Variants in KIF26B observed in about 807,000 individuals in gnomAD.
KIF26B encodes the protein kinesin family member 26B, also known as kinesin-like protein KIF26B.
In KIF26B, 63 loss-of-function variants were observed where a neutral mutation model predicts 151.2. The ratio of observed to expected loss-of-function variants is 0.42; its 90% CI spans 0.34 to 0.51. KIF26B has a LOEUF of 0.51. KIF26B is among the 20% of genes least tolerant of loss of function. KIF26B has a pLI of 0.07. For synonymous variants in KIF26B, 1,357 were observed against 1,262.1 expected (o/e 1.08, Z -1.59); for missense variants, 2,813 against 2,913.6 (o/e 0.97, Z 0.79).
chr1:245,261,611 G>T (rs894747855), intron 2 of KIF26B, among the ~76,000 whole-genome samples: 3 of 147,242 alleles, frequency 2.0e-5, no homozygotes, highest in East Asian at 4.1e-4. Flanking sequence ...TCAAGACAGG[G>T]TCTAGCTGTG....
rs1344907730 is a variant in KIF26B at position 245,572,421 on chromosome 1, G to A, written c.1351-30156G>A. Among the ~76,000 whole-genome samples the A allele has an allele frequency of 6.6e-6, 1 of 152,064 alleles. No individual in the cohort carries two copies. Among genetic ancestry groups the A allele is most frequent in the Non-Finnish European group, 1.5e-5 (1 of 68,020 alleles). ...AGTAGGGTGGCTGGTTTGAGGGTGTGGCCCCGGGAAAGGTGGCAGGACACA... is the reference window on the plus strand; with the variant it reads ...AGTAGGGTGGCTGGTTTGAGGGTGTAGCCCCGGGAAAGGTGGCAGGACACA... On this transcript the variant is annotated intron_variant, in intron 5 of 14. Coordinates refer to ENST00000407071, the MANE Select transcript of KIF26B (RefSeq NM_018012.4). The surrounding 1 kb of genome is among the most constrained non-coding windows in gnomAD (Gnocchi z 4.2).
chr1:245,564,830 G>A lies in KIF26B; in HGVS notation c.1350+23880G>A, dbSNP rs753025280. ...TTATCATTAGATTCTCTCAAGGAGC[G>A]TGCAACCTAGACCCCCACATGCACA... On this transcript the variant is annotated intron_variant, in intron 5 of 14. Transcript: ENST00000407071. The surrounding 1 kb of genome is among the most constrained non-coding windows in gnomAD (Gnocchi z 4.6). 6.6e-5 allele frequency among the ~76,000 whole-genome samples: 10 copies of A among 152,120 alleles called. No individual in the cohort carries two copies. Among genetic ancestry groups the A allele is most frequent in the East Asian group, 1.9e-4 (1 of 5,198 alleles).
intron 3 of KIF26B, among the ~76,000 whole-genome samples, chr1:245,414,623 T>C (rs894727016): frequency 6.6e-6 from 1 of 152,176 alleles, no homozygotes; most frequent in African/African-American, 2.4e-5. Flanking sequence ...AAAGGGAATA[T>C]GGAGTCTTCC....
chr1:245,699,277 C>T (rs1394041127), intron 14 of KIF26B, among the ~76,000 whole-genome samples: 1 of 152,176 alleles, frequency 6.6e-6, no homozygotes, highest in African/African-American at 2.4e-5. Context: ...CTACGTGTCT[C>T]AGTCCAAAGC....
Position 245,589,709 on chromosome 1 carries a change from G to A in KIF26B, c.1351-12868G>A, listed in dbSNP as rs116186322. 9.8e-3 allele frequency among the ~76,000 whole-genome samples: 1,493 copies of A among 152,218 alleles called. 19 individuals carry two copies. The highest frequency in any genetic ancestry group is 0.034 in the Middle Eastern group (10 of 294). On this transcript the variant is annotated intron_variant, in intron 5 of 14. Coordinates refer to ENST00000407071, the MANE Select transcript of KIF26B (RefSeq NM_018012.4). ...ATTACGGTGCTTTGCCAAACTCCAC[G>A]GTGGATCTGGTAGCTGGTATTTCTG...
chr1:245,380,352 T>C (rs1224268944), intron 3 of KIF26B, among the ~76,000 whole-genome samples: 1 of 152,208 alleles, frequency 6.6e-6, no homozygotes, highest in Non-Finnish European at 1.5e-5. Flanking sequence ...GCCATGTCTA[T>C]ATTCAAGGCT....
At chr1:245,427,207 G>A (rs1658668379) in intron 4 of KIF26B, among the ~76,000 whole-genome samples, 1 of 152,154 alleles carries the variant, frequency 6.6e-6, no homozygotes, top group South Asian at 2.1e-4. Flanking sequence ...CAACTCCTAG[G>A]CGTCAATTGA....
intron 2 of KIF26B, among the ~76,000 whole-genome samples, chr1:245,357,991 A>G (rs1672735812): frequency 6.6e-6 from 1 of 152,130 alleles, no homozygotes. Context: ...ATCATAGCTC[A>G]CTGCATCCTC....
intron 5 of KIF26B, among the ~76,000 whole-genome samples, chr1:245,558,819 A>G (rs1363831934): frequency 6.6e-6 from 1 of 152,246 alleles, no homozygotes; most frequent in Non-Finnish European, 1.5e-5. Context: ...CCTCAGACCC[A>G]GCATCTCGCC....
chr1:245,292,268 A>T lies in KIF26B; in HGVS notation c.466-74566A>T, dbSNP rs953319808. On this transcript the variant is annotated intron_variant, in intron 2 of 14. Coordinates refer to ENST00000407071, the MANE Select transcript of KIF26B (RefSeq NM_018012.4). ...CGAAACCCTCTGAGCTCTGTTCCAG[A>T]CTGTCCTCTCAGCCTTGAGTGCACA... Among the ~76,000 whole-genome samples, 10 of 152,154 alleles carry T rather than the reference A, an allele frequency of 6.6e-5. No individual in the cohort carries two copies. The South Asian group carries it at 1.2e-3, about 19-fold the overall frequency.
chr1:245,175,156 G>A (rs946350746), intron 2 of KIF26B, among the ~76,000 whole-genome samples: 4 of 152,186 alleles, frequency 2.6e-5, no homozygotes, highest in African/African-American at 9.7e-5. Context: ...AGATGGTACA[G>A]TAACTGCTTT....
chr1:245,443,874 C>T, intron 4 of KIF26B, among the ~76,000 whole-genome samples: 1 of 70,574 alleles, frequency 1.4e-5, no homozygotes, highest in Non-Finnish European at 2.9e-5. Context: ...CGGTCATCTC[C>T]CTCACTGTTC....
intron 2 of KIF26B, among the ~76,000 whole-genome samples, chr1:245,294,440 C>T (rs955058878): frequency 1.3e-5 from 2 of 152,164 alleles, no homozygotes; most frequent in Non-Finnish European, 2.9e-5. Flanking sequence ...TAATTCCTTT[C>T]CTTTTTCTGA....
At chr1:245,303,350 C>T (rs574982644) in intron 2 of KIF26B, among the ~76,000 whole-genome samples, 10 of 151,336 alleles carry the variant, frequency 6.6e-5, no homozygotes, top group Admixed American at 1.3e-4. Context: ...AGGTGCCCGC[C>T]ACCACGCCCG....
Position 245,602,620 on chromosome 1 carries a change from C to T in KIF26B, c.1394C>T (p.Thr465Ile). ...LRICSTLARD[T>I]SESSSFLKVD... ...ATCTGTTCCACCTTGGCTCGAGATACTTCAGAATCCAGCTCTTTCTTAAAG... is the reference window on the plus strand; with the variant it reads ...ATCTGTTCCACCTTGGCTCGAGATATTTCAGAATCCAGCTCTTTCTTAAAG... Residue 465 changes from threonine (T) to isoleucine (I), a missense_variant, in exon 6 of 15, where the codon ACT becomes ATT. Physicochemically the swap from Thr to Ile is moderately conservative, Grantham distance 89. Coordinates refer to ENST00000407071, the MANE Select transcript of KIF26B (RefSeq NM_018012.4). This position sits in a 1 kb window ranked among gnomAD's most constrained non-coding sequence, Gnocchi z 4.5. 1.9e-6 allele frequency: 3 copies of T among 1,613,948 alleles called. No individual in the cohort carries two copies. Among genetic ancestry groups the T allele is most frequent in the Non-Finnish European group, 2.5e-6 (3 of 1,179,840 alleles).
At chr1:245,513,208 A>C (rs1416558013) in intron 4 of KIF26B, among the ~76,000 whole-genome samples, 7 of 133,008 alleles carry the variant, frequency 5.3e-5, no homozygotes, top group African/African-American at 1.8e-4. Context: ...TCCAACCTGC[A>C]CCCCCCCCCA....
At chr1:245,443,989 C>T (rs866879307) in intron 4 of KIF26B, among the ~76,000 whole-genome samples, 3 of 113,348 alleles carry the variant, frequency 2.6e-5, no homozygotes, top group African/African-American at 3.9e-5. Flanking sequence ...TCATCTCCCT[C>T]ACTGTTCACC....
chr1:245,277,048 G>T (rs1670950513), intron 2 of KIF26B, among the ~76,000 whole-genome samples: 1 of 152,164 alleles, frequency 6.6e-6, no homozygotes, highest in Non-Finnish European at 1.5e-5. Flanking sequence ...GGAATACTAT[G>T]TTTATAGGCC....
At chr1:245,243,238 C>T (rs1251573070) in intron 2 of KIF26B, among the ~76,000 whole-genome samples, 1 of 152,130 alleles carries the variant, frequency 6.6e-6, no homozygotes, top group Non-Finnish European at 1.5e-5. Flanking sequence ...AAATATTTGC[C>T]AATCACATGG....
Sources: allele counts gnomAD v4.1 joint callset (sites outside exome capture counted in the v4.1 genomes callset), GRCh38; gene constraint gnomAD v4.1.1; non-coding constraint Gnocchi (gnomAD v3.1); transcripts MANE v1.5; gene names NCBI Gene and HGNC (gene_info 2026-07-23, HGNC 2026-07-21).